Variants in PPA2 observed in about 807,000 individuals in gnomAD.
The protein encoded by PPA2 is inorganic pyrophosphatase 2, mitochondrial.
Under a neutral mutation model 49.5 loss-of-function variants are expected in PPA2, and 48 were observed. The ratio of observed to expected loss-of-function variants is 0.97; its 90% confidence interval spans 0.77 to 1.23. The LOEUF (loss-of-function observed/expected upper bound fraction) is 1.23. Ranked by LOEUF, PPA2 falls within the 50% of genes most tolerant of loss-of-function variation. The probability of loss-of-function intolerance (pLI) is 0.00; values close to 1 mark genes in which losing one functional copy is unlikely to be tolerated. For synonymous variants in PPA2, 131 were observed against 139.9 expected (o/e 0.94, Z 0.45); for missense variants, 429 against 410.1 (o/e 1.05, Z -0.40).
chr4:105,444,861 GATT>G (rs1281138531), intron 5 of PPA2, among the ~76,000 whole-genome samples: 1 of 152,066 alleles, frequency 6.6e-6, no homozygotes, highest in African/African-American at 2.4e-5. Context: ...AACAATAATT[GATT>G]ACTACATGTT....
At chr4:105,411,447 A>T (rs1408853758) in intron 7 of PPA2, among the ~76,000 whole-genome samples, 1 of 152,148 alleles carries the variant, frequency 6.6e-6, no homozygotes, top group Non-Finnish European at 1.5e-5. Context: ...TCTCAAAATA[A>T]TAAGAGCTAT....
intron 1 of PPA2, among the ~76,000 whole-genome samples, chr4:105,471,568 AT>A (rs1397912760): frequency 4.6e-5 from 7 of 151,912 alleles, no homozygotes; most frequent in Non-Finnish European, 7.4e-5. Flanking sequence ...CTACACTCAT[AT>A]TTTTTTTGAA....
chr4:105,385,881 T>A (rs1027712761), intron 10 of PPA2, among the ~76,000 whole-genome samples: 6 of 59,372 alleles, frequency 1.0e-4, no homozygotes, highest in East Asian at 1.9e-3. Context: ...TATTTTCAAT[T>A]TTTTTTTTTT....
rs548097036 is a variant in PPA2 at position 105,456,333 on chromosome 4, C to T, written c.222+348G>A. On this transcript the variant is annotated intron_variant, in intron 2 of 11. Coordinates refer to ENST00000341695, the MANE Select transcript of PPA2 (RefSeq NM_176869.3). The stretch of plus-strand genomic sequence containing the variant: ...GCAACTCATAACAATTAAATAACAT[C>T]ATGTTCACATAGTGGCTAGCAAATA... 580 of 445,896 alleles carry T rather than the reference C, an allele frequency of 1.3e-3. 6 individuals carry two copies. The highest frequency in any genetic ancestry group is 6.8e-3 in the South Asian group (419 of 61,242). 27.6% of individuals were successfully genotyped at this position (445,896 alleles called of 1,614,324 possible).
At chr4:105,470,622 CTAA>C (rs1281763934) in intron 1 of PPA2, among the ~76,000 whole-genome samples, 1 of 152,070 alleles carries the variant, frequency 6.6e-6, no homozygotes, top group Admixed American at 6.5e-5. Flanking sequence ...TTCACAGAAT[CTAA>C]TAATAAGGAT....
intron 6 of PPA2, among the ~76,000 whole-genome samples, chr4:105,435,413 T>C (rs1724004575): frequency 6.6e-6 from 1 of 152,138 alleles, no homozygotes; most frequent in African/African-American, 2.4e-5. Flanking sequence ...AGAGATGCTA[T>C]GCAAGATGAA....
At chr4:105,447,315 C>T (rs966443295) in intron 4 of PPA2, among the ~76,000 whole-genome samples, 1 of 152,036 alleles carries the variant, frequency 6.6e-6, no homozygotes, top group Admixed American at 6.5e-5. Context: ...CTCATGTTCT[C>T]ACCTATATGT....
At position 105,386,650 on chromosome 4, in the gene PPA2, G is replaced by T. The variant is rs760297886; in HGVS notation, c.870-14C>A. The stretch of plus-strand genomic sequence containing the variant: ...TGCACGTTTGTGCTGGAGAGGAAAA[G>T]AGAATGTTATTATTAAACAGGATAA... On this transcript the variant is annotated splice_polypyrimidine_tract_variant and intron_variant, in intron 9 of 11. Transcript: ENST00000341695. 19 of 1,607,676 alleles carry T rather than the reference G, an allele frequency of 1.2e-5. No individual in the cohort carries two copies. Among genetic ancestry groups the T allele is most frequent in the Non-Finnish European group, 1.5e-5 (18 of 1,175,246 alleles).
chr4:105,410,345 G>A (rs1401021979), intron 7 of PPA2, among the ~76,000 whole-genome samples: 1 of 152,108 alleles, frequency 6.6e-6, no homozygotes, highest in African/African-American at 2.4e-5. Context: ...GAAATAAAGC[G>A]AGAAGACAAG....
chr4:105,461,941 C>T (rs1188775894), intron 1 of PPA2, among the ~76,000 whole-genome samples: 2 of 152,006 alleles, frequency 1.3e-5, no homozygotes, highest in Non-Finnish European at 2.9e-5. Flanking sequence ...TGAACATTTC[C>T]CTAAAGTGCA....
intron 6 of PPA2, among the ~76,000 whole-genome samples, chr4:105,426,927 C>T (rs781177289): frequency 6.6e-6 from 1 of 152,212 alleles, no homozygotes; most frequent in Non-Finnish European, 1.5e-5. Flanking sequence ...TCCCATGTAG[C>T]CTGACTGCGA....
chr4:105,396,616 T>A (rs112379301), intron 8 of PPA2, among the ~76,000 whole-genome samples: 13 of 152,046 alleles, frequency 8.6e-5, no homozygotes, highest in African/African-American at 2.9e-4. Flanking sequence ...TAAAATCCAG[T>A]CTGCCCCCTG....
Position 105,430,213 on chromosome 4 carries a change from A to G in PPA2, c.529-5891T>C, listed in dbSNP as rs536646154. On this transcript the variant is annotated intron_variant, in intron 6 of 11. Transcript: ENST00000341695. ...TTTATTTTGAGGGAAAAAATACTAGAATTTCAAGTCATAAAGTCAAATAAA... is the reference window on the plus strand; with the variant it reads ...TTTATTTTGAGGGAAAAAATACTAGGATTTCAAGTCATAAAGTCAAATAAA... Among the ~76,000 whole-genome samples, 21 of 152,330 alleles carry G rather than the reference A, an allele frequency of 1.4e-4. No homozygotes were observed. The South Asian group carries it at 4.4e-3, about 32-fold the overall frequency.
At chr4:105,420,113 C>T (rs919028828) in intron 7 of PPA2, among the ~76,000 whole-genome samples, 1 of 152,118 alleles carries the variant, frequency 6.6e-6, no homozygotes, top group Non-Finnish European at 1.5e-5. Flanking sequence ...GCTGGGATTA[C>T]AGGCATGTGC....
intron 2 of PPA2, chr4:105,456,105 G>T (rs1722865067): frequency 2.6e-6 from 1 of 382,002 alleles, no homozygotes; most frequent in African/African-American, 2.1e-5. Context: ...ACTGTCAAGT[G>T]ATTTTCAGTT....
chr4:105,439,200 A>G (rs191199971), intron 5 of PPA2, among the ~76,000 whole-genome samples: 205 of 152,308 alleles, frequency 1.3e-3, no homozygotes, highest in Middle Eastern at 6.8e-3. Context: ...ATAATATACC[A>G]TAACGAATTC....
chr4:105,385,453 A>C (rs900687969), intron 10 of PPA2, among the ~76,000 whole-genome samples: 52 of 151,962 alleles, frequency 3.4e-4, no homozygotes, highest in Admixed American at 2.0e-3. Context: ...AAAACAAACA[A>C]AAAAAACAAT....
intron 8 of PPA2, 182 bp downstream of exon 8, chr4:105,398,855 T>A: frequency 2.0e-6 from 1 of 501,478 alleles, no homozygotes; most frequent in Non-Finnish European, 3.3e-6. Context: ...CCTTGTTGAT[T>A]CACTTAGATC....
At chr4:105,460,726 C>A (rs961162635) in intron 1 of PPA2, among the ~76,000 whole-genome samples, 1 of 152,056 alleles carries the variant, frequency 6.6e-6, no homozygotes, top group Non-Finnish European at 1.5e-5. Flanking sequence ...AGAAACTTGA[C>A]AGAAAAGCCA....
Sources: allele counts gnomAD v4.1 joint callset (sites outside exome capture counted in the v4.1 genomes callset), GRCh38; gene constraint gnomAD v4.1.1; transcripts MANE v1.5; gene names NCBI Gene and HGNC (gene_info 2026-07-23, HGNC 2026-07-21).